Variants in FSTL4 observed in about 807,000 individuals in gnomAD.
The protein encoded by FSTL4 is follistatin like 4, also known as follistatin-related protein 4.
FSTL4 carries 28 observed loss-of-function variants against 78.2 expected under a neutral mutation model. The observed-to-expected ratio is 0.36, with a 90% CI of 0.27 to 0.49. The LOEUF (loss-of-function observed/expected upper bound fraction) is 0.49. Ranked by LOEUF, FSTL4 falls within the 20% of genes least tolerant of loss-of-function variation. The pLI is 0.98. For missense variants in FSTL4, 922 were observed against 1,084.9 expected, an observed-to-expected ratio of 0.85 and a Z score of 2.11; for synonymous variants, 422 against 440.5, an observed-to-expected ratio of 0.96 and a Z score of 0.53.
intron 7 of FSTL4, among the ~76,000 whole-genome samples, chr5:133,241,451 A>C (rs1003770030): frequency 6.6e-6 from 1 of 152,258 alleles, no homozygotes; most frequent in African/African-American, 2.4e-5. Flanking sequence ...GGGTATACAC[A>C]GAGGCCCAGG....
At chr5:133,219,424 C>T (rs1456216375) in intron 12 of FSTL4, among the ~76,000 whole-genome samples, 1 of 152,218 alleles carries the variant, frequency 6.6e-6, no homozygotes, top group Non-Finnish European at 1.5e-5. Flanking sequence ...GCTACTTAGT[C>T]TACAGAGGTG....
chr5:133,368,981 T>G (rs1755233956), intron 4 of FSTL4, among the ~76,000 whole-genome samples: 1 of 152,184 alleles, frequency 6.6e-6, no homozygotes, highest in Non-Finnish European at 1.5e-5. Context: ...AGACGGTGCT[T>G]CAGGGATTCA....
intron 1 of FSTL4, among the ~76,000 whole-genome samples, chr5:133,608,021 G>A (rs1761012215): frequency 6.6e-6 from 1 of 152,196 alleles, no homozygotes. Flanking sequence ...CTCTGGAGAA[G>A]TAAATCTGTT....
intron 2 of FSTL4, among the ~76,000 whole-genome samples, chr5:133,598,832 A>C (rs2112974521): frequency 6.6e-6 from 1 of 152,352 alleles, no homozygotes; most frequent in African/African-American, 2.4e-5. Flanking sequence ...TGAGTATCAC[A>C]AGGGTGATGT....
chr5:133,285,804 G>A (rs1211469958), intron 6 of FSTL4, among the ~76,000 whole-genome samples: 1 of 152,244 alleles, frequency 6.6e-6, no homozygotes, highest in East Asian at 1.9e-4. Context: ...GCCCGGTTTG[G>A]TGATTCACTT....
chr5:133,259,661 T>C (rs959466375), intron 6 of FSTL4, among the ~76,000 whole-genome samples: 1 of 151,828 alleles, frequency 6.6e-6, no homozygotes, highest in African/African-American at 2.4e-5. Flanking sequence ...ACTCCGGCTG[T>C]TGTGCAAATA....
At chr5:133,351,631 G>A (rs1049162721) in intron 4 of FSTL4, among the ~76,000 whole-genome samples, 29 of 150,360 alleles carry the variant, frequency 1.9e-4, no homozygotes, top group Admixed American at 6.6e-4. Flanking sequence ...TTTTTGAGAC[G>A]GAGTCTTGCT....
chr5:133,774,953 A>G, the FSTL4 span, among the ~76,000 whole-genome samples: 12 of 151,928 alleles, frequency 7.9e-5, no homozygotes, highest in Admixed American at 5.2e-4. Context: ...AATAGTCTAG[A>G]ATGTATAGGT....
chr5:133,663,185 G>A, the FSTL4 span, among the ~76,000 whole-genome samples: 2 of 152,152 alleles, frequency 1.3e-5, no homozygotes, highest in African/African-American at 2.4e-5. Context: ...TACACATGTA[G>A]TAAAGTATCA....
At chr5:133,638,199 G>T in the FSTL4 span, among the ~76,000 whole-genome samples, 1 of 149,994 alleles carries the variant, frequency 6.7e-6, no homozygotes, top group South Asian at 2.1e-4. Context: ...CTGACAGCTT[G>T]TCACTGCCTT....
chr5:133,307,781 T>TC (rs1469054889), intron 6 of FSTL4, among the ~76,000 whole-genome samples: 3 of 114,994 alleles, frequency 2.6e-5, no homozygotes, highest in Non-Finnish European at 6.1e-5. Context: ...TCTCCCAATT[T>TC]TCTTTTTTTT....
the FSTL4 span, among the ~76,000 whole-genome samples, chr5:133,664,748 C>T: frequency 2.0e-5 from 3 of 152,308 alleles, no homozygotes; most frequent in African/African-American, 7.2e-5. Context: ...CATACAGTAA[C>T]TCTGTCAGGG....
At chr5:133,768,497 C>T in the FSTL4 span, among the ~76,000 whole-genome samples, 1 of 152,200 alleles carries the variant, frequency 6.6e-6, no homozygotes, top group Non-Finnish European at 1.5e-5. Context: ...TCAGCATTAG[C>T]CTGAGGTGGA....
chr5:133,822,831 C>T, the FSTL4 span, among the ~76,000 whole-genome samples: 1 of 152,030 alleles, frequency 6.6e-6, no homozygotes, highest in Non-Finnish European at 1.5e-5. Context: ...GAATTACCTC[C>T]CAGAGGTAAT....
the FSTL4 span, among the ~76,000 whole-genome samples, chr5:133,690,072 A>C: frequency 6.6e-6 from 1 of 150,564 alleles, no homozygotes; most frequent in South Asian, 2.1e-4. Context: ...AAAACACACA[A>C]ACAAACAAAC....
the FSTL4 span, among the ~76,000 whole-genome samples, chr5:133,834,300 C>T: frequency 6.6e-6 from 1 of 152,042 alleles, no homozygotes; most frequent in Admixed American, 6.5e-5. Context: ...AATAGCCCTA[C>T]ATCTACTGTT....
chr5:133,788,058 C>T, the FSTL4 span, among the ~76,000 whole-genome samples: 11 of 152,280 alleles, frequency 7.2e-5, no homozygotes, highest in East Asian at 1.5e-3. Context: ...GAACAGAGGG[C>T]GTGTCGGAGG....
chr5:133,373,067 A>C (rs1185226903), intron 4 of FSTL4, among the ~76,000 whole-genome samples: 1 of 152,210 alleles, frequency 6.6e-6, no homozygotes, highest in African/African-American at 2.4e-5. Flanking sequence ...CAGAAGAGAC[A>C]TGAGAGAGGA....
At chr5:133,484,216 T>C (rs1357816814) in intron 3 of FSTL4, among the ~76,000 whole-genome samples, 1 of 152,224 alleles carries the variant, frequency 6.6e-6, no homozygotes, top group Non-Finnish European at 1.5e-5. Context: ...AGTGGCACCA[T>C]CATCATCTCT....
Sources: allele counts gnomAD v4.1 joint callset (sites outside exome capture counted in the v4.1 genomes callset), GRCh38; gene constraint gnomAD v4.1.1; transcripts MANE v1.5; gene names NCBI Gene and HGNC (gene_info 2026-07-23, HGNC 2026-07-21).